ATG3: variants seen among roughly 807,000 people sequenced by gnomAD.
ATG3 encodes the protein ubiquitin-like-conjugating enzyme ATG3.
ATG3 carries 25 observed loss-of-function variants against 50.7 expected under a neutral mutation model. The ratio of observed to expected loss-of-function variants is 0.49; its 90% CI spans 0.36 to 0.69. The LOEUF (loss-of-function observed/expected upper bound fraction) is 0.69, where lower values mean the gene tolerates loss of function less well. Ranked by LOEUF, ATG3 falls within the 30% of genes least tolerant of loss-of-function variation. The pLI, the probability that ATG3 is intolerant of heterozygous loss-of-function variation, is 0.00. For missense variants in ATG3, 281 were observed against 376.0 expected (o/e 0.75, Z 2.09); for synonymous variants, 119 against 125.5 (o/e 0.95, Z 0.34).
In ATG3 at chr3:112,537,840, A is replaced by G; in HGVS notation, c.561T>C (p.Asp187=). ...GCAAAATAGCATCTTCACCGCCAGC[A>G]TCAGTTTTGGCTTTACAAGCTTCTA... ...KIVEACKAKT[D]AGGEDAILQT... is the part of the protein sequence containing the mutation. Residue 187 remains aspartate, a synonymous_variant, in exon 9 of 12, where the codon GAT becomes GAC. Coordinates refer to ENST00000283290, the MANE Select transcript of ATG3 (RefSeq NM_022488.5). 1 of 1,612,910 alleles carries G rather than the reference A, an allele frequency of 6.2e-7. No individual in the cohort carries two copies.
At chr3:112,532,952 G>T in intron 11 of ATG3, 172 bp from the exon 12 acceptor site, 1 of 1,276,204 alleles carries the variant, frequency 7.8e-7, no homozygotes, top group Non-Finnish European at 9.9e-7. Context: ...TTTAACATGA[G>T]GCTCTTTAAG....
intron 11 of ATG3, 28 bp downstream of exon 11, chr3:112,534,241 C>A: frequency 1.9e-6 from 3 of 1,594,934 alleles, no homozygotes; most frequent in Non-Finnish European, 2.6e-6. Context: ...GCCATTTTGC[C>A]ACTAATCTTA....
chr3:112,558,120 A>G (rs1933739061), intron 2 of ATG3: 1 of 459,912 alleles, frequency 2.2e-6, no homozygotes, highest in African/African-American at 2.0e-5. Context: ...GTGACATAGG[A>G]CTCATTTTGA....
At position 112,544,111 on chromosome 3, in the gene ATG3, G is replaced by T; in HGVS notation, c.344-5C>A. 6.3e-7 allele frequency: 1 copy of T among 1,596,330 alleles called. No individual in the cohort carries two copies. The highest frequency in any genetic ancestry group is 8.6e-7 in the Non-Finnish European group (1 of 1,164,874). On this transcript the variant is annotated splice_region_variant and splice_polypyrimidine_tract_variant and intron_variant, in intron 5 of 11. Transcript: ENST00000283290. ...CTTCCGTTATTCCTGTAATACCTATGTAAAATTCGGCAGAAAAGAATAACT... is the reference window on the plus strand; with the variant it reads ...CTTCCGTTATTCCTGTAATACCTATTTAAAATTCGGCAGAAAAGAATAACT...
In ATG3 at chr3:112,548,523, C is replaced by G; in HGVS notation, c.343+10G>C. 6.3e-7 allele frequency: 1 copy of G among 1,581,422 alleles called. No homozygotes were observed. Among genetic ancestry groups the G allele is most frequent in the Non-Finnish European group, 8.7e-7 (1 of 1,151,246 alleles). On this transcript the variant is annotated intron_variant, in intron 5 of 11. Coordinates refer to ENST00000283290, the MANE Select transcript of ATG3 (RefSeq NM_022488.5). ...TAAACTAAATATATGTCATTTTATT[C>G]TCCTCTTACCTGTGTTGTGATATGT...
chr3:112,557,249 C>T (rs1054417993), intron 2 of ATG3, among the ~76,000 whole-genome samples: 2 of 151,874 alleles, frequency 1.3e-5, no homozygotes, highest in African/African-American at 2.4e-5. Context: ...GACGGGGTTT[C>T]GCCCTGTTAG....
At chr3:112,538,240 C>A in intron 7 of ATG3, 60 bp from the exon 8 acceptor site, 1 of 1,315,456 alleles carries the variant, frequency 7.6e-7, no homozygotes, top group South Asian at 1.4e-5. Context: ...TTCCCTAAAC[C>A]AATTTAAGTA....
In ATG3 at chr3:112,561,892, C is replaced by A; in HGVS notation, c.-364G>T. The A allele has an allele frequency of 3.9e-6, 1 of 255,240 alleles. No homozygotes were observed. The allele number at this position is 255,240 out of a possible 1,614,324, so 15.8% of individuals were successfully genotyped here. A position where few individuals can be genotyped will look rare whatever the true frequency, so the allele number is the denominator to read the frequency against. ...CTGTCCTCGCTTTGCTTCACTCGCG[C>A]CCCTTCCGGCTTCCCTTCCTTCTCA... is the stretch of plus-strand genomic sequence containing the variant. On this transcript the variant is annotated 5_prime_UTR_variant, in exon 1 of 12. Transcript: ENST00000283290.
chr3:112,556,760 T>A (rs1285937024), intron 2 of ATG3, among the ~76,000 whole-genome samples: 2 of 151,996 alleles, frequency 1.3e-5, no homozygotes, highest in Non-Finnish European at 2.9e-5. Context: ...ATGTGCTGTG[T>A]CCACTCAGGG....
chr3:112,553,806 C>T (rs969682773), intron 2 of ATG3, among the ~76,000 whole-genome samples: 1 of 152,224 alleles, frequency 6.6e-6, no homozygotes, highest in East Asian at 1.9e-4. Flanking sequence ...TCACTGGGCA[C>T]ACTTCTTCCT....
chr3:112,540,801 G>A (rs1933204772), intron 7 of ATG3, among the ~76,000 whole-genome samples: 1 of 152,138 alleles, frequency 6.6e-6, no homozygotes, highest in Admixed American at 6.5e-5. Flanking sequence ...AATCAATGCA[G>A]AAAAGGTAAG....
At chr3:112,546,650 G>A (rs1471244422) in intron 5 of ATG3, among the ~76,000 whole-genome samples, 1 of 152,122 alleles carries the variant, frequency 6.6e-6, no homozygotes, top group Non-Finnish European at 1.5e-5. Flanking sequence ...CAAGGATAAA[G>A]CAAGGGAAAC....
intron 2 of ATG3, among the ~76,000 whole-genome samples, chr3:112,557,068 AG>A (rs1357371807): frequency 6.6e-6 from 1 of 152,068 alleles, no homozygotes; most frequent in Middle Eastern, 3.2e-3. Context: ...CAGGTCTCCT[AG>A]GTTATTTCCA....
rs772680969 is a variant in ATG3, at chr3:112,537,863, C to T, written c.538G>A (p.Glu180Lys). 3 of 1,610,052 alleles carry T rather than the reference C, an allele frequency of 1.9e-6. No individual in the cohort carries two copies. The highest frequency in any genetic ancestry group is 1.7e-5 in the Admixed American group (1 of 59,002). Residue 180 changes from glutamate (E) to lysine (K), a missense_variant, in exon 9 of 12, where the codon GAA (glutamate) becomes AAA (lysine). Around this residue, in one of 3 missense-constraint regions of ATG3, gnomAD observed 242 missense variants for 305.0 expected, o/e 0.79. Transcript: ENST00000283290. The part of the protein sequence containing the change: ...EATLDTRKIV[E>K]ACKAKTDAGG... ...GCATCAGTTTTGGCTTTACAAGCTTCTACTATTTTCCTTGTATCTAGGGTA... is the reference window on the plus strand; with the variant it reads ...GCATCAGTTTTGGCTTTACAAGCTTTTACTATTTTCCTTGTATCTAGGGTA...
At chr3:112,540,056 A>G (rs1933184820) in intron 7 of ATG3, among the ~76,000 whole-genome samples, 1 of 152,224 alleles carries the variant, frequency 6.6e-6, no homozygotes, top group African/African-American at 2.4e-5. Context: ...ATACATCTGA[A>G]GTTGAGAATA....
intron 7 of ATG3, 32 bp downstream of exon 7, chr3:112,541,771 G>T: frequency 1.3e-6 from 2 of 1,526,726 alleles, no homozygotes; most frequent in Non-Finnish European, 9.0e-7. Flanking sequence ...CAATATTCTA[G>T]TGGAACTGAA....
chr3:112,552,648 A>ATTTTTTTTTTT, intron 3 of ATG3, among the ~76,000 whole-genome samples: 1 of 149,902 alleles, frequency 6.7e-6, no homozygotes, highest in African/African-American at 2.5e-5. Context: ...CCTGTTCAAA[A>ATTTTTTTTTTT]ATTTTTTTTT....
chr3:112,545,541 C>T (rs1020407087), intron 5 of ATG3, among the ~76,000 whole-genome samples: 4 of 152,164 alleles, frequency 2.6e-5, no homozygotes, highest in South Asian at 2.1e-4. Context: ...TCAAAATCCA[C>T]AGGTCTAGCA....
At chr3:112,533,065 G>A in intron 11 of ATG3, 1 of 1,046,910 alleles carries the variant, frequency 9.6e-7, no homozygotes, top group Non-Finnish European at 1.2e-6. Flanking sequence ...AGCTATACAT[G>A]TTTAAATGAG....
Sources: allele counts gnomAD v4.1 joint callset (sites outside exome capture counted in the v4.1 genomes callset), GRCh38; gene constraint gnomAD v4.1.1; regional missense constraint gnomAD v4.1.1; transcripts MANE v1.5; gene names NCBI Gene and HGNC (gene_info 2026-07-23, HGNC 2026-07-21).